The following BCAS3 variants were observed in gnomAD, a reference collection of about 807,000 sequenced individuals.
BCAS3 encodes BCAS3 microtubule associated cell migration factor, also known as BCAS4/BCAS3 fusion.
BCAS3 carries 53 observed loss-of-function variants against 116.1 expected under a neutral mutation model. The observed-to-expected ratio is 0.46, with a 90% confidence interval of 0.37 to 0.57. BCAS3 has a LOEUF of 0.57. Among genes scored for constraint, BCAS3 ranks in the 20% least tolerant of loss-of-function variants. The pLI is 0.00. For synonymous variants in BCAS3, 391 were observed against 408.2 expected, an observed-to-expected ratio of 0.96 and a Z score of 0.51; for missense variants, 917 against 1,165.4, an observed-to-expected ratio of 0.79 and a Z score of 3.10.
chr17:60,837,112 C>T (rs2051434107), intron 7 of BCAS3, among the ~76,000 whole-genome samples: 1 of 152,014 alleles, frequency 6.6e-6, no homozygotes, highest in African/African-American at 2.4e-5. Flanking sequence ...TGCACTTTAA[C>T]CTTATATCTA....
At chr17:60,827,015 T>C (rs1235648263) in intron 7 of BCAS3, among the ~76,000 whole-genome samples, 1 of 152,224 alleles carries the variant, frequency 6.6e-6, no homozygotes. Context: ...AGGTTTATAC[T>C]CCATAATATT....
At chr17:61,061,982 A>C (rs893631557) in intron 19 of BCAS3, among the ~76,000 whole-genome samples, 1 of 152,188 alleles carries the variant, frequency 6.6e-6, no homozygotes, top group African/African-American at 2.4e-5. Context: ...TTAAAAAGTT[A>C]CTGAATCTAA....
intron 21 of BCAS3, among the ~76,000 whole-genome samples, chr17:61,081,375 C>T (rs568707604): frequency 1.1e-4 from 17 of 152,128 alleles, no homozygotes; most frequent in Admixed American, 8.5e-4. Flanking sequence ...AATTCTAACT[C>T]GCTTCTTTTA....
intron 11 of BCAS3, among the ~76,000 whole-genome samples, chr17:60,906,638 G>A (rs1289186320): frequency 6.6e-6 from 1 of 152,040 alleles, no homozygotes; most frequent in East Asian, 1.9e-4. Flanking sequence ...TTCGGATTCT[G>A]ACTTTGTAAC....
intron 22 of BCAS3, among the ~76,000 whole-genome samples, chr17:61,322,891 G>C (rs77582326): frequency 0.1 from 13,969 of 136,978 alleles, 797 homozygotes; most frequent in Middle Eastern, 0.17. Flanking sequence ...GTGGTGGGGG[G>C]TCCTCTGGGA....
chr17:60,948,498 C>G (rs1047594177), intron 14 of BCAS3, among the ~76,000 whole-genome samples: 19 of 152,274 alleles, frequency 1.2e-4, no homozygotes, highest in African/African-American at 4.6e-4. Context: ...TCTCAAACAC[C>G]TTTTGTTTCA....
intron 23 of BCAS3, among the ~76,000 whole-genome samples, chr17:61,373,574 A>T (rs1017099580): frequency 6.7e-6 from 1 of 149,080 alleles, no homozygotes; most frequent in Non-Finnish European, 1.5e-5. Context: ...CCCTTTCCTG[A>T]GTGGCCAGGA....
At position 61,355,999 on chromosome 17, in the gene BCAS3, C is replaced by T. The variant is rs888333334; in HGVS notation, c.2426-12328C>T. Among the ~76,000 whole-genome samples the T allele has an allele frequency of 6.6e-6, 1 of 152,116 alleles. No individual in the cohort carries two copies. Among genetic ancestry groups the T allele is most frequent in the African/African-American group, 2.4e-5 (1 of 41,434 alleles). On this transcript the variant is annotated intron_variant, in intron 22 of 23. Transcript: ENST00000407086. The surrounding 1 kb of genome is among the most constrained non-coding windows in gnomAD (Gnocchi z 4.2). ...AGCCTACAGGAAACATTTTCTTTTT[C>T]TTTTCTCTTTTTTGAGACTGAGTCT... is the stretch of plus-strand genomic sequence containing the variant.
intron 20 of BCAS3, 122 bp from the exon 21 acceptor site, chr17:61,078,211 C>T: frequency 1.4e-6 from 1 of 720,212 alleles, no homozygotes; most frequent in Non-Finnish European, 2.3e-6. Flanking sequence ...TGTCCTATCC[C>T]TTTGCCACTT....
In BCAS3 at chr17:60,791,732, T is replaced by C. The variant is rs561962913; in HGVS notation, c.404-16272T>C. Among the ~76,000 whole-genome samples, 75 of 152,296 alleles carry C rather than the reference T, an allele frequency of 4.9e-4. 2 individuals are homozygous for C. The South Asian group carries it at 0.014, about 29-fold the overall frequency. ...GTCCCCTGGCTACACTTTCCAAATA[T>C]TTTCTTCTTCCTAAACCCGTAAGAG... On this transcript the variant is annotated intron_variant, in intron 6 of 23. Coordinates refer to ENST00000407086, the MANE Select transcript of BCAS3 (RefSeq NM_017679.5).
chr17:60,739,421 A>T (rs1212800508), intron 5 of BCAS3, among the ~76,000 whole-genome samples: 1 of 152,096 alleles, frequency 6.6e-6, no homozygotes, highest in Non-Finnish European at 1.5e-5. Flanking sequence ...GGAGATCGAG[A>T]CCAGCCTGGT....
intron 19 of BCAS3, among the ~76,000 whole-genome samples, chr17:61,046,035 T>TA (rs1555685555): frequency 8.1e-4 from 10 of 12,322 alleles, no homozygotes; most frequent in Non-Finnish European, 8.9e-4. Context: ...ATATATATAT[T>TA]TATATATATA....
chr17:61,002,621 A>G (rs1314096406), intron 15 of BCAS3: 1 of 152,140 alleles, frequency 6.6e-6, no homozygotes, highest in Non-Finnish European at 1.5e-5. Flanking sequence ...CTTTGGAAAT[A>G]TATTACTATC....
At chr17:60,855,613 C>T (rs906139439) in intron 7 of BCAS3, among the ~76,000 whole-genome samples, 1 of 151,930 alleles carries the variant, frequency 6.6e-6, no homozygotes, top group Non-Finnish European at 1.5e-5. Flanking sequence ...TGCCACCACG[C>T]CCGGCCACTA....
In BCAS3 at chr17:61,380,125, A is replaced by T; in HGVS notation, c.2593+11631A>T. 1 of 244,224 alleles carries T rather than the reference A, an allele frequency of 4.1e-6. No homozygotes were observed. Among genetic ancestry groups the T allele is most frequent in the South Asian group, 5.6e-5 (1 of 17,724 alleles). The allele number at this position is 244,224 out of a possible 1,614,324, so 15.1% of individuals were successfully genotyped here. ...CTAAGCAGCCCAACCACACACTGCC[A>T]TGCAGCTTTGAACTTCAGACCTGGT... On this transcript the variant is annotated intron_variant, in intron 23 of 23. Coordinates refer to ENST00000407086, the MANE Select transcript of BCAS3 (RefSeq NM_017679.5). This position sits in a 1 kb window ranked among gnomAD's most constrained non-coding sequence, Gnocchi z 4.2.
At chr17:60,854,759 A>G (rs1478708476) in intron 7 of BCAS3, among the ~76,000 whole-genome samples, 1 of 152,174 alleles carries the variant, frequency 6.6e-6, no homozygotes, top group African/African-American at 2.4e-5. Flanking sequence ...ACGGTAAACT[A>G]GTTCAGCCAT....
At chr17:60,942,947 T>C (rs959495271) in intron 13 of BCAS3, among the ~76,000 whole-genome samples, 3 of 152,152 alleles carry the variant, frequency 2.0e-5, no homozygotes, top group African/African-American at 7.2e-5. Context: ...GATATGTGTA[T>C]TATAATCTCT....
chr17:61,342,564 GC>G (rs2057239475), intron 22 of BCAS3, among the ~76,000 whole-genome samples: 1 of 152,192 alleles, frequency 6.6e-6, no homozygotes, highest in Non-Finnish European at 1.5e-5. Context: ...CCTCGCTGGG[GC>G]AGATGCTTAC....
chr17:61,066,989 T>A (rs913033946), intron 19 of BCAS3, among the ~76,000 whole-genome samples: 1 of 151,810 alleles, frequency 6.6e-6, no homozygotes, highest in South Asian at 2.1e-4. Flanking sequence ...GTACCTATAG[T>A]TTAGCAGTAT....
Sources: gnomAD v4.1 joint callset for allele counts (sites outside exome capture counted in the v4.1 genomes callset) on GRCh38, gnomAD v4.1.1 for gene constraint, Gnocchi (gnomAD v3.1) non-coding constraint, MANE v1.5 for transcripts, NCBI Gene and HGNC (gene_info 2026-07-23, HGNC 2026-07-21) for gene names.